Variants in SASH1 observed in about 807,000 individuals in gnomAD.
SASH1 encodes SAM and SH3 domain containing 1.
SASH1 carries 44 observed loss-of-function variants against 125.2 expected under a neutral mutation model. That is an observed-to-expected ratio of 0.35 (90% CI 0.28 to 0.45). SASH1 has a LOEUF of 0.45. Ranked by LOEUF, SASH1 falls within the 20% of genes least tolerant of loss-of-function variation. The pLI is 1.00. For missense variants in SASH1, 1,426 were observed against 1,614.5 expected (o/e 0.88, Z 2.00); for synonymous variants, 639 against 649.1 (o/e 0.98, Z 0.24).
chr6:148,341,229 T>G (rs1399624297), upstream of SASH1, among the ~76,000 whole-genome samples: 1 of 151,964 alleles, frequency 6.6e-6, no homozygotes, highest in Non-Finnish European at 1.5e-5. Flanking sequence ...CACTGTAACC[T>G]TCGCCTCCTG....
chr6:148,312,673 A>T (rs1343528794), intron 1 of SASH1, among the ~76,000 whole-genome samples: 1 of 152,248 alleles, frequency 6.6e-6, no homozygotes, highest in East Asian at 1.9e-4. Flanking sequence ...ACTGAATAAA[A>T]ATATGCTCTG....
rs76074807 is a variant in SASH1 at position 148,417,727 on chromosome 6, T to A, written c.286-22457T>A. Among the ~76,000 whole-genome samples, 35 of 122,824 alleles carry A rather than the reference T, an allele frequency of 2.8e-4. No individual in the cohort carries two copies. In the East Asian group the frequency reaches 3.0e-3, roughly 11 times the overall value. The allele number at this position is 122,824 out of a possible 152,430, so 80.6% of individuals were successfully genotyped here. ...CCTCAGTTTCCTCATTGGTTTTTTT[T>A]AAAAAAAACTGGAAATAGGCAAAGT... On this transcript the variant is annotated intron_variant, in intron 2 of 19. Transcript: ENST00000367467.
intron 1 of SASH1, among the ~76,000 whole-genome samples, chr6:148,287,706 G>T (rs58404987): frequency 3.2e-3 from 176 of 55,700 alleles, no homozygotes; most frequent in African/African-American, 0.014. Context: ...GGGGGGTGGG[G>T]GGTGGTATTC....
the SASH1 span, among the ~76,000 whole-genome samples, chr6:148,234,209 A>C: frequency 6.6e-6 from 1 of 151,966 alleles, no homozygotes; most frequent in Non-Finnish European, 1.5e-5. Flanking sequence ...CCAGCCTACC[A>C]CTTAGGCTAA....
intron 15 of SASH1, 46 bp from the exon 16 acceptor site, chr6:148,534,705 G>A (rs762788299): frequency 1.2e-6 from 2 of 1,607,786 alleles, no homozygotes; most frequent in East Asian, 2.2e-5. Context: ...GTTATCATGT[G>A]TCTGGGCTGG....
At chr6:148,476,661 G>C (rs1462007850) in intron 7 of SASH1, among the ~76,000 whole-genome samples, 1 of 152,048 alleles carries the variant, frequency 6.6e-6, no homozygotes, top group African/African-American at 2.4e-5. Flanking sequence ...ACGTGGGCGA[G>C]AGTGAGAATC....
At chr6:148,285,794 A>G (rs538406712) in intron 1 of SASH1, among the ~76,000 whole-genome samples, 1 of 152,328 alleles carries the variant, frequency 6.6e-6, no homozygotes, top group South Asian at 2.1e-4. Context: ...ACAGTTTTCA[A>G]TGCAAACACA....
intron 1 of SASH1, among the ~76,000 whole-genome samples, chr6:148,323,024 T>G (rs1336170194): frequency 2.0e-5 from 3 of 149,616 alleles, no homozygotes; most frequent in Non-Finnish European, 4.4e-5. Flanking sequence ...TTCTTTCCTT[T>G]TCTTTCTTCC....
intron 1 of SASH1, among the ~76,000 whole-genome samples, chr6:148,368,770 G>GCGCGCACACACACACACACACACACACA (rs1554245330): frequency 1.5e-5 from 2 of 135,644 alleles, no homozygotes; most frequent in East Asian, 2.1e-4. Flanking sequence ...GCACGCGCGC[G>GCGCGCACACACACACACACACACACACA]CACACACACA....
the SASH1 span, among the ~76,000 whole-genome samples, chr6:148,257,032 A>G: frequency 2.0e-5 from 3 of 152,180 alleles, no homozygotes; most frequent in East Asian, 5.8e-4. Flanking sequence ...ATTAAATTTT[A>G]CACTTTAAAT....
chr6:148,453,470 G>A (rs1296074401), intron 4 of SASH1, among the ~76,000 whole-genome samples: 1 of 152,124 alleles, frequency 6.6e-6, no homozygotes, highest in African/African-American at 2.4e-5. Context: ...CTACAGTTAA[G>A]GAAACCAAGG....
intron 1 of SASH1, among the ~76,000 whole-genome samples, chr6:148,326,427 CAG>C (rs1223087578): frequency 1.7e-5 from 1 of 59,090 alleles, no homozygotes; most frequent in East Asian, 7.2e-4. Context: ...TTTTTTGAGA[CAG>C]GGTCTCACTC....
chr6:148,408,002 A>G (rs1784447590), intron 2 of SASH1, among the ~76,000 whole-genome samples: 1 of 152,166 alleles, frequency 6.6e-6, no homozygotes, highest in African/African-American at 2.4e-5. Flanking sequence ...GGGAGGGAAC[A>G]GGGGTTCTAA....
At chr6:148,469,343 G>A (rs539290467) in intron 5 of SASH1, among the ~76,000 whole-genome samples, 68 of 152,304 alleles carry the variant, frequency 4.5e-4, no homozygotes, top group African/African-American at 1.6e-3. Context: ...TATAGTAGCT[G>A]AATAAATGTT....
intron 1 of SASH1, among the ~76,000 whole-genome samples, chr6:148,358,849 C>T: frequency 6.7e-6 from 1 of 149,730 alleles, no homozygotes; most frequent in Non-Finnish European, 1.5e-5. Flanking sequence ...CATTCTCCTG[C>T]CTCAGCCTCC....
chr6:148,526,881 TTTTC>T (rs1430771756), intron 11 of SASH1, among the ~76,000 whole-genome samples: 2 of 86,104 alleles, frequency 2.3e-5, no homozygotes, highest in Non-Finnish European at 5.6e-5. Flanking sequence ...TTTTTTTTTT[TTTTC>T]CCTCTGAGAG....
chr6:148,371,379 C>T (rs1357794215), intron 1 of SASH1, among the ~76,000 whole-genome samples: 3 of 151,756 alleles, frequency 2.0e-5, no homozygotes, highest in Admixed American at 1.3e-4. Flanking sequence ...GCCTCAGCCT[C>T]CTGAGTAGCT....
the SASH1 span, among the ~76,000 whole-genome samples, chr6:148,251,874 T>A: frequency 8.3e-6 from 1 of 120,918 alleles, no homozygotes; most frequent in African/African-American, 3.2e-5. Context: ...GATGTTCCCC[T>A]TCCTGTGTCC....
chr6:148,316,895 C>T (rs1421149411), intron 1 of SASH1, among the ~76,000 whole-genome samples: 1 of 152,110 alleles, frequency 6.6e-6, no homozygotes, highest in African/African-American at 2.4e-5. Flanking sequence ...CAAAATGAAG[C>T]TCTTTGTCAT....
Sources: gnomAD v4.1 joint callset for allele counts (sites outside exome capture counted in the v4.1 genomes callset) on GRCh38, gnomAD v4.1.1 for gene constraint, MANE v1.5 for transcripts, NCBI Gene and HGNC (gene_info 2026-07-23, HGNC 2026-07-21) for gene names.